SIPA1L1: variants seen among roughly 807,000 people sequenced by gnomAD.
SIPA1L1 encodes signal induced proliferation associated 1 like 1.
A neutral mutation model predicts 162.7 loss-of-function variants in SIPA1L1; 26 were observed. The ratio of observed to expected loss-of-function variants is 0.16; its 90% confidence interval spans 0.12 to 0.22. The LOEUF is 0.22. Ranked by LOEUF, SIPA1L1 falls within the 10% of genes least tolerant of loss-of-function variation. The pLI, the probability that SIPA1L1 is intolerant of heterozygous loss-of-function variation, is 1.00. For synonymous variants in SIPA1L1, 829 were observed against 837.4 expected, an observed-to-expected ratio of 0.99 and a Z score of 0.17; for missense variants, 1,874 against 2,241.0, an observed-to-expected ratio of 0.84 and a Z score of 3.31.
chr14:71,645,525 G>A (rs367593475), intron 7 of SIPA1L1, among the ~76,000 whole-genome samples: 4 of 152,286 alleles, frequency 2.6e-5, no homozygotes, highest in South Asian at 4.1e-4. Context: ...TTATATATAC[G>A]CTGCATTTCA....
At chr14:71,591,158 A>G (rs962576564) in intron 5 of SIPA1L1, among the ~76,000 whole-genome samples, 1 of 152,128 alleles carries the variant, frequency 6.6e-6, no homozygotes, top group African/African-American at 2.4e-5. Context: ...GCAGTATAAT[A>G]ATATTATTAT....
chr14:71,709,121 T>G, intron 16 of SIPA1L1, 101 bp from the exon 17 acceptor site: 1 of 996,880 alleles, frequency 1.0e-6, no homozygotes, highest in East Asian at 2.5e-5. Flanking sequence ...TTTTAGGCCT[T>G]CAGAGCCCTA....
At chr14:71,427,425 G>A (rs2043651276) in intron 2 of SIPA1L1, among the ~76,000 whole-genome samples, 1 of 152,152 alleles carries the variant, frequency 6.6e-6, no homozygotes, top group Non-Finnish European at 1.5e-5. Context: ...TCCTTTGTAT[G>A]TGATGAGTTG....
chr14:71,736,438 G>A (rs1210318048), intron 22 of SIPA1L1, among the ~76,000 whole-genome samples: 1 of 152,162 alleles, frequency 6.6e-6, no homozygotes, highest in Non-Finnish European at 1.5e-5. Context: ...TAAAACTCCA[G>A]GTATCTGTAA....
At chr14:71,617,675 C>T (rs1039162131) in intron 5 of SIPA1L1, among the ~76,000 whole-genome samples, 1 of 152,102 alleles carries the variant, frequency 6.6e-6, no homozygotes, top group Non-Finnish European at 1.5e-5. Context: ...TTTTCAAATA[C>T]TTATATTTTG....
chr14:71,563,507 C>T (rs1019011864), intron 4 of SIPA1L1, among the ~76,000 whole-genome samples: 2 of 152,168 alleles, frequency 1.3e-5, no homozygotes, highest in Non-Finnish European at 2.9e-5. Context: ...TTAAGAATTA[C>T]AGTCAGTGCC....
chr14:71,521,391 A>AT (rs1412535830), intron 3 of SIPA1L1, among the ~76,000 whole-genome samples: 1 of 152,168 alleles, frequency 6.6e-6, no homozygotes, highest in Non-Finnish European at 1.5e-5. Context: ...GGCAGTGGTA[A>AT]TAAACTAGGC....
intron 6 of SIPA1L1, among the ~76,000 whole-genome samples, chr14:71,621,081 C>T (rs1346642851): frequency 1.3e-5 from 2 of 152,230 alleles, no homozygotes; most frequent in Non-Finnish European, 2.9e-5. Flanking sequence ...GTCAGCAACA[C>T]TTGTTCATTT....
chr14:71,458,861 A>T (rs189874140), intron 2 of SIPA1L1, among the ~76,000 whole-genome samples: 17 of 152,196 alleles, frequency 1.1e-4, no homozygotes, highest in Non-Finnish European at 1.8e-4. Context: ...ACCTGAGCTC[A>T]GGAGTTAGAG....
At chr14:71,655,755 C>T (rs560029259) in intron 8 of SIPA1L1, among the ~76,000 whole-genome samples, 1 of 152,140 alleles carries the variant, frequency 6.6e-6, no homozygotes, top group African/African-American at 2.4e-5. Flanking sequence ...TTGTTGGCTA[C>T]GTGTATGTCT....
intron 2 of SIPA1L1, among the ~76,000 whole-genome samples, chr14:71,338,045 G>T (rs2035274886): frequency 1.3e-5 from 2 of 152,088 alleles, no homozygotes; most frequent in African/African-American, 2.4e-5. Flanking sequence ...TCAGTATCTT[G>T]TCTCCCTTTT....
At chr14:71,547,292 CTTTTTTTTTT>C (rs753714304) in intron 4 of SIPA1L1, among the ~76,000 whole-genome samples, 11 of 111,278 alleles carry the variant, frequency 9.9e-5, no homozygotes, top group East Asian at 3.1e-4. Flanking sequence ...ATGAAAATAA[CTTTTTTTTTT>C]TTTTTTTTTT....
At chr14:71,658,584 T>C in intron 9 of SIPA1L1, 148 bp downstream of exon 9, 1 of 653,758 alleles carries the variant, frequency 1.5e-6, no homozygotes, top group Non-Finnish European at 2.7e-6. Context: ...AAGTAAGGAA[T>C]AGCAAATGAA....
intron 2 of SIPA1L1, among the ~76,000 whole-genome samples, chr14:71,498,528 G>A (rs571037323): frequency 6.6e-6 from 1 of 152,186 alleles, no homozygotes. Flanking sequence ...TGTAACATCT[G>A]TTTTAGTGCT....
At chr14:71,354,548 A>C (rs925324364) in intron 2 of SIPA1L1, among the ~76,000 whole-genome samples, 1 of 151,412 alleles carries the variant, frequency 6.6e-6, no homozygotes, top group African/African-American at 2.4e-5. Flanking sequence ...AAGTGCTGCG[A>C]TTATGGGCGT....
chr14:71,471,056 G>T (rs1446617092), intron 2 of SIPA1L1, among the ~76,000 whole-genome samples: 1 of 152,026 alleles, frequency 6.6e-6, no homozygotes, highest in African/African-American at 2.4e-5. Flanking sequence ...TAGCCAGGAT[G>T]GTCTCTATCT....
intron 2 of SIPA1L1, among the ~76,000 whole-genome samples, chr14:71,406,384 A>G (rs534313853): frequency 9.9e-5 from 15 of 152,158 alleles, no homozygotes; most frequent in Middle Eastern, 3.4e-3. Flanking sequence ...CTTTGCAGAA[A>G]TTTTATGTTT....
At chr14:71,681,521 A>AT (rs2045806641) in intron 12 of SIPA1L1, among the ~76,000 whole-genome samples, 1 of 152,182 alleles carries the variant, frequency 6.6e-6, no homozygotes, top group Admixed American at 6.5e-5. Flanking sequence ...AGGTCACAGC[A>AT]TTTTTTCTTC....
At chr14:71,647,008 T>C (rs1471718470) in intron 7 of SIPA1L1, among the ~76,000 whole-genome samples, 1 of 152,192 alleles carries the variant, frequency 6.6e-6, no homozygotes, top group Non-Finnish European at 1.5e-5. Flanking sequence ...TGATTACATT[T>C]ACTTAACTTC....
Sources: allele counts gnomAD v4.1 joint callset (sites outside exome capture counted in the v4.1 genomes callset), GRCh38; gene constraint gnomAD v4.1.1; transcripts MANE v1.5; gene names NCBI Gene and HGNC (gene_info 2026-07-23, HGNC 2026-07-21).